Variants in PDZRN4 observed in about 807,000 individuals in gnomAD.
PDZRN4 encodes PDZ domain-containing RING finger protein 4.
PDZRN4 carries 70 observed loss-of-function variants against 99.0 expected under a neutral mutation model. The ratio of observed to expected loss-of-function variants is 0.71; its 90% confidence interval spans 0.58 to 0.86. The LOEUF is 0.86. PDZRN4 is among the 40% of genes least tolerant of loss of function. The pLI is 0.00. For missense variants in PDZRN4, 1,474 were observed against 1,331.2 expected (o/e 1.11, Z -1.67); for synonymous variants, 551 against 501.6 (o/e 1.10, Z -1.32).
At chr12:41,222,201 CAT>C (rs1950960004) in intron 3 of PDZRN4, among the ~76,000 whole-genome samples, 1 of 152,148 alleles carries the variant, frequency 6.6e-6, no homozygotes, top group South Asian at 2.1e-4. Flanking sequence ...GGCCATGGGC[CAT>C]ATGGTATTTT....
chr12:41,444,867 G>A (rs1952710911), intron 3 of PDZRN4, among the ~76,000 whole-genome samples: 1 of 151,994 alleles, frequency 6.6e-6, no homozygotes, highest in South Asian at 2.1e-4. Flanking sequence ...TAGCTAGAAT[G>A]TTCCTTATTC....
intron 3 of PDZRN4, among the ~76,000 whole-genome samples, chr12:41,272,908 G>C (rs1369682064): frequency 1.3e-5 from 2 of 151,820 alleles, no homozygotes; most frequent in Non-Finnish European, 2.9e-5. Flanking sequence ...GATGCTGTTG[G>C]TTGTAACTCT....
At chr12:41,564,239 T>A (rs1319297718) in intron 8 of PDZRN4, among the ~76,000 whole-genome samples, 1 of 152,190 alleles carries the variant, frequency 6.6e-6, no homozygotes, top group Admixed American at 6.5e-5. Flanking sequence ...AGTAAATGAA[T>A]TGTTTCCAAG....
intron 9 of PDZRN4, among the ~76,000 whole-genome samples, chr12:41,570,998 T>C (rs1178003769): frequency 6.6e-6 from 1 of 152,178 alleles, no homozygotes; most frequent in African/African-American, 2.4e-5. Flanking sequence ...ATAACAATTA[T>C]CTAGAGAGAC....
chr12:41,524,484 C>T (rs1938539388), intron 5 of PDZRN4, among the ~76,000 whole-genome samples: 1 of 152,108 alleles, frequency 6.6e-6, no homozygotes, highest in Admixed American at 6.6e-5. Context: ...GGTAGCCTGG[C>T]TCCAGAGCAG....
rs761740799 is a variant in PDZRN4 at position 41,188,416 on chromosome 12, G to A, written c.-40G>A. 6.1e-5 allele frequency: 91 copies of A among 1,497,148 alleles called. No individual in the cohort carries two copies. The highest frequency in any genetic ancestry group is 7.7e-5 in the Non-Finnish European group (87 of 1,126,546). The allele number at this position is 1,497,148 out of a possible 1,614,324, so 92.7% of individuals were successfully genotyped here. A position where few individuals can be genotyped will look rare whatever the true frequency, so the allele number is the denominator to read the frequency against. On this transcript the variant is annotated 5_prime_UTR_variant, in exon 1 of 10. Transcript: ENST00000402685. ...GAAGGCAGGGGGGCTCGGAGAAGAC[G>A]GACTCTGCTTTCGCTCCCCCTTTCT...
intron 3 of PDZRN4, among the ~76,000 whole-genome samples, chr12:41,476,240 T>C (rs1032777938): frequency 2.0e-5 from 3 of 152,364 alleles, no homozygotes; most frequent in Admixed American, 6.5e-5. Context: ...AGGTTGACTT[T>C]ACATGTGTAA....
intron 3 of PDZRN4, among the ~76,000 whole-genome samples, chr12:41,347,546 T>G (rs1376332813): frequency 6.6e-6 from 1 of 152,160 alleles, no homozygotes; most frequent in African/African-American, 2.4e-5. Context: ...TGTGTACAAG[T>G]TCCTTATCAG....
At chr12:41,198,759 G>GTAA (rs3042297) in intron 3 of PDZRN4, among the ~76,000 whole-genome samples, 113 of 151,544 alleles carry the variant, frequency 7.5e-4, no homozygotes, top group African/African-American at 2.4e-3. Context: ...TTAAAGTATA[G>GTAA]TAATAATAAT....
chr12:41,216,198 C>A (rs553033453), intron 3 of PDZRN4, among the ~76,000 whole-genome samples: 1 of 151,990 alleles, frequency 6.6e-6, no homozygotes, highest in South Asian at 2.1e-4. Context: ...AAGTATTGTT[C>A]TGGACATTAT....
chr12:41,327,498 T>C (rs187452431), intron 3 of PDZRN4, among the ~76,000 whole-genome samples: 1 of 152,332 alleles, frequency 6.6e-6, no homozygotes, highest in Admixed American at 6.5e-5. Context: ...AAAGTGGTTT[T>C]AGCTGTGAAC....
At chr12:41,348,851 A>G (rs1181033630) in intron 3 of PDZRN4, among the ~76,000 whole-genome samples, 1 of 151,968 alleles carries the variant, frequency 6.6e-6, no homozygotes, top group African/African-American at 2.4e-5. Flanking sequence ...ATAAATTTCT[A>G]TTTGTCAAGT....
rs574768012 is a variant in PDZRN4, at chr12:41,271,322, A to T, written c.843+77134A>T. On this transcript the variant is annotated intron_variant, in intron 3 of 9. Transcript: ENST00000402685. ...CACTTAGCTACTTTCCCTTAGGTACAAAAAATATGGGTCAAGTCCTATTTT... is the reference window on the plus strand; with the variant it reads ...CACTTAGCTACTTTCCCTTAGGTACTAAAAATATGGGTCAAGTCCTATTTT... Among the ~76,000 whole-genome samples, 11 of 152,258 alleles carry T rather than the reference A, an allele frequency of 7.2e-5. No homozygotes were observed. In the East Asian group the frequency reaches 2.1e-3, roughly 29 times the overall value.
intron 3 of PDZRN4, among the ~76,000 whole-genome samples, chr12:41,214,252 T>TAAAAAAAAAAAA (rs60618442): frequency 3.9e-4 from 33 of 84,778 alleles, no homozygotes; most frequent in African/African-American, 1.5e-3. Context: ...ACCCTGTATT[T>TAAAAAAAAAAAA]AAAAAAAAAA....
Position 41,429,408 on chromosome 12 carries a change from T to C in PDZRN4, c.844-77048T>C, listed in dbSNP as rs1271959904. On this transcript the variant is annotated intron_variant, in intron 3 of 9. Coordinates refer to ENST00000402685, the MANE Select transcript of PDZRN4 (RefSeq NM_001164595.2). ...GAAATTGCTTAGGTTTTATTCAATCTGTTTTATGTAGCCATGCTTGAGGAC... is the reference window on the plus strand; with the variant it reads ...GAAATTGCTTAGGTTTTATTCAATCCGTTTTATGTAGCCATGCTTGAGGAC... 2.0e-5 allele frequency among the ~76,000 whole-genome samples: 3 copies of C among 152,356 alleles called. No individual in the cohort carries two copies. The East Asian group carries it at 5.8e-4, about 29-fold the overall frequency.
At chr12:41,336,175 T>C (rs962159355) in intron 3 of PDZRN4, among the ~76,000 whole-genome samples, 7 of 152,120 alleles carry the variant, frequency 4.6e-5, no homozygotes, top group Non-Finnish European at 7.4e-5. Context: ...AAATCTTCAA[T>C]GTATCCTCTA....
intron 3 of PDZRN4, among the ~76,000 whole-genome samples, chr12:41,220,239 T>G (rs1950945954): frequency 6.6e-6 from 1 of 152,100 alleles, no homozygotes. Flanking sequence ...CTGGGTTAGT[T>G]TCCCGTGAGT....
intron 5 of PDZRN4, among the ~76,000 whole-genome samples, chr12:41,542,371 G>A (rs777578598): frequency 2.0e-5 from 3 of 152,072 alleles, no homozygotes; most frequent in Non-Finnish European, 4.4e-5. Context: ...TAGACACTAA[G>A]GGTTGAAAGA....
At position 41,537,575 on chromosome 12, in the gene PDZRN4, C is replaced by G. The variant is rs1009036096; in HGVS notation, c.1204-15081C>G. Among the ~76,000 whole-genome samples, 5 of 152,060 alleles carry G rather than the reference C, an allele frequency of 3.3e-5. No homozygotes were observed. The East Asian group carries it at 9.7e-4, about 29-fold the overall frequency. On this transcript the variant is annotated intron_variant, in intron 5 of 9. Transcript: ENST00000402685. ...ATTTGGGGGAAATGTTGTTTGAGAT[C>G]AGATTACAGAGGGCCTATAGTGTCA...
Sources: gnomAD v4.1 joint callset for allele counts (sites outside exome capture counted in the v4.1 genomes callset) on GRCh38, gnomAD v4.1.1 for gene constraint, MANE v1.5 for transcripts, NCBI Gene and HGNC (gene_info 2026-07-23, HGNC 2026-07-21) for gene names.